Variants in ANKS3 observed in about 807,000 individuals in gnomAD.
ANKS3 encodes the protein ankyrin repeat and sterile alpha motif domain containing 3.
ANKS3 carries 62 observed loss-of-function variants against 80.7 expected under a neutral mutation model. The observed-to-expected ratio is 0.77, with a 90% CI of 0.63 to 0.95. The LOEUF is 0.95. Among genes scored for constraint, ANKS3 ranks in the 40% least tolerant of loss-of-function variants. ANKS3 has a pLI of 0.00. For missense variants in ANKS3, 1,150 were observed against 883.6 expected (o/e 1.30, Z -3.82); for synonymous variants, 489 against 355.3 (o/e 1.38, Z -4.23).
intron 10 of ANKS3, 135 bp downstream of exon 10, chr16:4,701,299 C>T: frequency 3.7e-6 from 5 of 1,347,938 alleles, no homozygotes; most frequent in Non-Finnish European, 5.1e-6. Flanking sequence ...AGACCCTGGA[C>T]ACAGCACGTC....
intron 11 of ANKS3, chr16:4,700,763 G>T: frequency 2.6e-6 from 2 of 781,338 alleles, no homozygotes; most frequent in Non-Finnish European, 4.5e-6. Flanking sequence ...GGTCCTTTCC[G>T]TGGAGAGGAA....
intron 6 of ANKS3, among the ~76,000 whole-genome samples, chr16:4,717,849 G>T (rs760945335): frequency 6.6e-6 from 1 of 151,812 alleles, no homozygotes; most frequent in Non-Finnish European, 1.5e-5. Context: ...AGGCTGGAGT[G>T]CAATGGCGCA....
chr16:4,723,360 A>G (rs764886507), intron 6 of ANKS3, among the ~76,000 whole-genome samples: 8 of 152,230 alleles, frequency 5.3e-5, no homozygotes, highest in African/African-American at 1.9e-4. Flanking sequence ...GACATTTCCT[A>G]TGAGTGAAAT....
At chr16:4,704,562 T>C (rs1294357618) in intron 8 of ANKS3, among the ~76,000 whole-genome samples, 1 of 152,100 alleles carries the variant, frequency 6.6e-6, no homozygotes, top group Non-Finnish European at 1.5e-5. Flanking sequence ...AATCTGAGAA[T>C]GAACGAGACT....
At chr16:4,705,772 T>A (rs1426727298) in intron 7 of ANKS3, among the ~76,000 whole-genome samples, 1 of 152,052 alleles carries the variant, frequency 6.6e-6, no homozygotes, top group Non-Finnish European at 1.5e-5. Flanking sequence ...GAGTTTATTA[T>A]CTCTGTTGGG....
chr16:4,712,168 C>T lies in ANKS3; in HGVS notation c.709+1883G>A, dbSNP rs984670546. Among the ~76,000 whole-genome samples the T allele has an allele frequency of 3.9e-5, 6 of 151,910 alleles. No individual in the cohort carries two copies. In the East Asian group the frequency reaches 5.8e-4, roughly 15 times the overall value. On this transcript the variant is annotated intron_variant, in intron 7 of 17. Transcript: ENST00000304283. ...GGCGGATCACTGGAGATCAGGAGTT[C>T]GAGACCAGCCTGGCCAACATGGTGA...
At position 4,698,081 on chromosome 16, in the gene ANKS3, A is replaced by T; in HGVS notation, c.1725-19T>A. 1 of 1,593,546 alleles carries T rather than the reference A, an allele frequency of 6.3e-7. No homozygotes were observed. Among genetic ancestry groups the T allele is most frequent in the Non-Finnish European group, 8.5e-7 (1 of 1,170,186 alleles). On this transcript the variant is annotated intron_variant, in intron 14 of 17. Coordinates refer to ENST00000304283, the MANE Select transcript of ANKS3 (RefSeq NM_133450.4). ...ACAGGCTCTGCCAGACACAGAAACA[A>T]ATATTGGTGAGAGCAGAGGCCTGGC...
intron 5 of ANKS3, chr16:4,725,046 T>C: frequency 2.4e-6 from 1 of 425,302 alleles, no homozygotes; most frequent in East Asian, 3.8e-5. Flanking sequence ...GGCTGGTCTT[T>C]GTCCTAAAGA....
intron 6 of ANKS3, among the ~76,000 whole-genome samples, chr16:4,721,617 G>GATTTATTTATTT (rs778426725): frequency 8.9e-5 from 8 of 89,760 alleles, no homozygotes; most frequent in Admixed American, 1.6e-4. Flanking sequence ...TCTCTTTATT[G>GATTTATTTATTT]ATTTATTGAT....
chr16:4,709,726 T>C (rs745841423), intron 7 of ANKS3, among the ~76,000 whole-genome samples: 2 of 152,106 alleles, frequency 1.3e-5, no homozygotes, highest in African/African-American at 2.4e-5. Flanking sequence ...GAAAGACAAA[T>C]GCCAGCTGTT....
chr16:4,698,871 C>T lies in ANKS3; in HGVS notation c.1480G>A (p.Asp494Asn), dbSNP rs201041262. ...TCGGCGTAGGCCAGCTCCAGGGCAT[C>T]CCCGGGTGGGCGGGCACTGCTGTGC... is the stretch of plus-strand genomic sequence containing the variant. ...RWHSSARPPG[D>N]ALELAYADRL... The change falls in exon 13 of 18, where the codon GAT becomes AAT. Residue 494 changes from aspartate to asparagine, a missense_variant. Coordinates refer to ENST00000304283, the MANE Select transcript of ANKS3 (RefSeq NM_133450.4). 2.5e-6 allele frequency: 4 copies of T among 1,601,852 alleles called. No homozygotes were observed. The highest frequency in any genetic ancestry group is 1.7e-6 in the Non-Finnish European group (2 of 1,173,758).
chr16:4,722,150 T>A (rs1371504369), intron 6 of ANKS3, among the ~76,000 whole-genome samples: 1 of 151,346 alleles, frequency 6.6e-6, no homozygotes, highest in African/African-American at 2.4e-5. Flanking sequence ...ATGTGCATGT[T>A]GTGTCCCAAA....
intron 7 of ANKS3, among the ~76,000 whole-genome samples, chr16:4,710,906 CT>C: frequency 6.6e-6 from 1 of 152,208 alleles, no homozygotes; most frequent in East Asian, 1.9e-4. Flanking sequence ...TCAAGTGATT[CT>C]CCTGCCTCAG....
intron 7 of ANKS3, among the ~76,000 whole-genome samples, chr16:4,707,238 T>C (rs2080241953): frequency 6.7e-6 from 1 of 150,210 alleles, no homozygotes; most frequent in Non-Finnish European, 1.5e-5. Context: ...GCTATCAACG[T>C]GGAATTCAGG....
intron 16 of ANKS3, 63 bp from the exon 17 acceptor site, chr16:4,697,167 C>T (rs767418950): frequency 3.0e-5 from 47 of 1,583,524 alleles, no homozygotes; most frequent in South Asian, 1.9e-4. Context: ...GGTGCTGCCC[C>T]GGGGTCTCAG....
rs2079571771 is a variant in ANKS3, at chr16:4,696,731, G to A, written c.*177C>T. The A allele has an allele frequency of 2.2e-5, 11 of 497,320 alleles. No homozygotes were observed. Among genetic ancestry groups the A allele is most frequent in the East Asian group, 1.1e-4 (3 of 27,430 alleles). The allele number at this position is 497,320 out of a possible 1,614,324, so 30.8% of individuals were successfully genotyped here. A position where few individuals can be genotyped will look rare whatever the true frequency, so the allele number is the denominator to read the frequency against. On this transcript the variant is annotated 3_prime_UTR_variant, in exon 18 of 18. Transcript: ENST00000304283. ...CGCCTCAGTGCTGGCCCGAGCTGCC[G>A]AGCCAGGGCCGCAGCCCCCGTCTTG...
chr16:4,696,918 A>G (rs938374144), intron 17 of ANKS3, 22 bp from the exon 18 acceptor site: 1 of 1,105,394 alleles, frequency 9.0e-7, no homozygotes, highest in Non-Finnish European at 1.3e-6. Flanking sequence ...AGCCCCGGTG[A>G]GAAGGGAGGG....
At position 4,697,017 on chromosome 16, in the gene ANKS3, C is replaced by G. The variant is rs774009594; in HGVS notation, c.*11G>C. On this transcript the variant is annotated splice_region_variant and 3_prime_UTR_variant, in exon 17 of 18. Transcript: ENST00000304283. ...GGGATCCAGGCTGGCAGACACTCAC[C>G]GGCCCGCAGGCTAGGTCTCCCGCCA... is the stretch of plus-strand genomic sequence containing the variant. 9 of 1,611,556 alleles carry G rather than the reference C, an allele frequency of 5.6e-6. No homozygotes were observed. The highest frequency in any genetic ancestry group is 7.6e-6 in the Non-Finnish European group (9 of 1,179,194).
At chr16:4,725,823 C>G (rs915865035) in intron 5 of ANKS3, among the ~76,000 whole-genome samples, 2 of 152,012 alleles carry the variant, frequency 1.3e-5, no homozygotes, top group African/African-American at 2.4e-5. Flanking sequence ...CCACGCCCAG[C>G]TAATTTTTGT....
Sources: gnomAD v4.1 joint callset for allele counts (sites outside exome capture counted in the v4.1 genomes callset) on GRCh38, gnomAD v4.1.1 for gene constraint, MANE v1.5 for transcripts, NCBI Gene and HGNC (gene_info 2026-07-23, HGNC 2026-07-21) for gene names.